Variants in WDCP observed in about 807,000 individuals in gnomAD.
WDCP encodes the protein WD repeat and coiled coil containing, also known as WD repeat and coiled-coil-containing protein.
A neutral mutation model predicts 41.6 loss-of-function variants in WDCP; 19 were observed. That is an observed-to-expected ratio of 0.46 (90% CI 0.32 to 0.67). WDCP has a LOEUF of 0.67. Among genes scored for constraint, WDCP ranks in the 30% least tolerant of loss-of-function variants. The pLI is 0.04. For synonymous variants in WDCP, 302 were observed against 320.8 expected, an observed-to-expected ratio of 0.94 and a Z score of 0.63; for missense variants, 802 against 850.7, an observed-to-expected ratio of 0.94 and a Z score of 0.71.
chr2:24,030,757 T>C lies in WDCP; in HGVS notation c.*176A>G, dbSNP rs977613758. 2 of 605,208 alleles carry C rather than the reference T, an allele frequency of 3.3e-6. No homozygotes were observed. Among genetic ancestry groups the C allele is most frequent in the Non-Finnish European group, 6.0e-6 (2 of 335,324 alleles). The allele number at this position is 605,208 out of a possible 1,614,324, so 37.5% of individuals were successfully genotyped here. A position where few individuals can be genotyped will look rare whatever the true frequency, so the allele number is the denominator to read the frequency against. ...GAGCCATCTAATAAAGACTGAGCTC[T>C]GCTACACAGCAGCGAGCCTCAGCTC... On this transcript the variant is annotated 3_prime_UTR_variant, in exon 4 of 4. Coordinates refer to ENST00000295148, the MANE Select transcript of WDCP (RefSeq NM_025203.3).
chr2:24,030,831 C>T lies in WDCP; in HGVS notation c.*102G>A. 1 of 910,760 alleles carries T rather than the reference C, an allele frequency of 1.1e-6. No individual in the cohort carries two copies. The highest frequency in any genetic ancestry group is 1.7e-6 in the Non-Finnish European group (1 of 589,436). The allele number at this position is 910,760 out of a possible 1,614,324, so 56.4% of individuals were successfully genotyped here. On this transcript the variant is annotated 3_prime_UTR_variant, in exon 4 of 4. Transcript: ENST00000295148. The stretch of plus-strand genomic sequence containing the variant: ...AGAGCCGACCATGGCAAGCGCTTCG[C>T]CTGAGTGCAGTGGGAGTCTCATTGG...
intron 3 of WDCP, among the ~76,000 whole-genome samples, chr2:24,032,058 G>T (rs1343427007): frequency 6.6e-6 from 1 of 152,188 alleles, no homozygotes; most frequent in African/African-American, 2.4e-5. Flanking sequence ...CTAGGCCTGG[G>T]TATATAGTAG....
chr2:24,039,280 T>A lies in WDCP; in HGVS notation c.215A>T (p.Asp72Val). Reference protein sequence around the residue: ...GLSWAPPVADDTPVLLAVQHE... With the variant: ...GLSWAPPVADVTPVLLAVQHE... ...CTGGACAGCGAGTAGAACAGGTGTATCATCTGCAACAGGTGGGGCCCAGGA... is the reference window on the plus strand; with the variant it reads ...CTGGACAGCGAGTAGAACAGGTGTAACATCTGCAACAGGTGGGGCCCAGGA... Residue 72 changes from aspartate to valine, a missense_variant, in exon 2 of 4, where the codon GAT becomes GTT. By Grantham distance (152) the Asp-to-Val change is radical (BLOSUM62 -3). Around this residue, in one of 5 missense-constraint regions of WDCP, gnomAD observed 214 missense variants for 252.9 expected, o/e 0.85. Coordinates refer to ENST00000295148, the MANE Select transcript of WDCP (RefSeq NM_025203.3). The A allele has an allele frequency of 1.2e-6, 2 of 1,614,182 alleles. No homozygotes were observed. Among genetic ancestry groups the A allele is most frequent in the Non-Finnish European group, 1.7e-6 (2 of 1,180,028 alleles).
chr2:24,035,793 G>A (rs185960646), intron 2 of WDCP, among the ~76,000 whole-genome samples: 7 of 151,794 alleles, frequency 4.6e-5, no homozygotes, highest in African/African-American at 1.2e-4. Context: ...AAATTAGGCC[G>A]GGCGCAGTGG....
At chr2:24,031,687 G>C (rs908967492) in intron 3 of WDCP, among the ~76,000 whole-genome samples, 1 of 152,080 alleles carries the variant, frequency 6.6e-6, no homozygotes, top group Admixed American at 6.5e-5. Context: ...TTAGCCAGGC[G>C]TGGTGGCATG....
chr2:24,032,635 C>G (rs1663129053), intron 3 of WDCP, among the ~76,000 whole-genome samples, 194 bp downstream of exon 3: 1 of 151,900 alleles, frequency 6.6e-6, no homozygotes, highest in Non-Finnish European at 1.5e-5. Flanking sequence ...GAGCTATGAT[C>G]ACACCGAGGC....
At position 24,038,035 on chromosome 2, in the gene WDCP, TGAC is replaced by T. The variant is rs1410140123; in HGVS notation, c.1457_1459del (p.Ser486_Gln487delinsLys). On this transcript the variant is annotated inframe_deletion, in exon 2 of 4. Coordinates refer to ENST00000295148, the MANE Select transcript of WDCP (RefSeq NM_025203.3). ...AAGTGTTCTTCCAGGCCTTCCATTCTGACTACTGGTATTAACTGTCAGCAACAG... is the reference window on the plus strand; with the variant it reads ...AAGTGTTCTTCCAGGCCTTCCATTCTTACTGGTATTAACTGTCAGCAACAG... The T allele has an allele frequency of 2.5e-6, 4 of 1,614,074 alleles. No individual in the cohort carries two copies. The highest frequency in any genetic ancestry group is 3.4e-6 in the Non-Finnish European group (4 of 1,180,030).
Position 24,039,342 on chromosome 2 carries a change from G to A in WDCP, c.153C>T (p.Ser51=). ...LHSGEVKFGD[S]KVIGQFECVC... is the part of the protein sequence containing the mutation. ...CACATTCAAACTGTCCAATGACTTTGGAGTCCCCAAACTTGACCTCTCCAC... is the reference window on the plus strand; with the variant it reads ...CACATTCAAACTGTCCAATGACTTTAGAGTCCCCAAACTTGACCTCTCCAC... Residue 51 remains serine (S), a synonymous_variant, in exon 2 of 4, where the codon TCC becomes TCT. Transcript: ENST00000295148. 1 of 1,614,246 alleles carries A rather than the reference G, an allele frequency of 6.2e-7. No individual in the cohort carries two copies. Among genetic ancestry groups the A allele is most frequent in the South Asian group, 1.1e-5 (1 of 91,086 alleles).
chr2:24,044,415 C>T (rs1663548349), intron 1 of WDCP, among the ~76,000 whole-genome samples: 1 of 152,024 alleles, frequency 6.6e-6, no homozygotes, highest in Non-Finnish European at 1.5e-5. Flanking sequence ...GATAGGGGCC[C>T]ACCACCATGC....
intron 1 of WDCP, among the ~76,000 whole-genome samples, chr2:24,045,139 CAGT>C (rs1028128559): frequency 2.6e-5 from 4 of 152,072 alleles, no homozygotes; most frequent in African/African-American, 9.7e-5. Context: ...GCAACTATTT[CAGT>C]AGAGAAAGAA....
At chr2:24,044,059 T>C (rs1018528346) in intron 1 of WDCP, among the ~76,000 whole-genome samples, 2 of 152,222 alleles carry the variant, frequency 1.3e-5, no homozygotes, top group Non-Finnish European at 2.9e-5. Context: ...TATCTACTTA[T>C]GTACTTTAAA....
chr2:24,030,033 T>C lies in WDCP; in HGVS notation c.*900A>G, dbSNP rs925995282. The stretch of plus-strand genomic sequence containing the variant: ...AGATTCTCTGCTGGTCTCTAAGACT[T>C]AAAAGGAGAGAAAATAAAAATATCA... On this transcript the variant is annotated 3_prime_UTR_variant, in exon 4 of 4. Coordinates refer to ENST00000295148, the MANE Select transcript of WDCP (RefSeq NM_025203.3). 2 of 152,434 alleles carry C rather than the reference T, an allele frequency of 1.3e-5. No homozygotes were observed. Among genetic ancestry groups the C allele is most frequent in the East Asian group, 1.9e-4 (1 of 5,184 alleles). The allele number at this position is 152,434 out of a possible 1,614,324, so 9.4% of individuals were successfully genotyped here. A position where few individuals can be genotyped will look rare whatever the true frequency, so the allele number is the denominator to read the frequency against.
At chr2:24,034,241 T>G (rs1164642583) in intron 2 of WDCP, among the ~76,000 whole-genome samples, 1 of 152,000 alleles carries the variant, frequency 6.6e-6, no homozygotes, top group Non-Finnish European at 1.5e-5. Flanking sequence ...GCCAACATGG[T>G]GAAACCCCAT....
intron 1 of WDCP, among the ~76,000 whole-genome samples, chr2:24,045,503 C>G (rs1323377759): frequency 6.7e-6 from 1 of 150,308 alleles, no homozygotes; most frequent in Non-Finnish European, 1.5e-5. Context: ...TGGGAGGCTG[C>G]AGCAGGAGAA....
chr2:24,039,673 A>C (rs970037992), intron 1 of WDCP, among the ~76,000 whole-genome samples, 161 bp from the exon 2 acceptor site: 1 of 152,260 alleles, frequency 6.6e-6, no homozygotes, highest in Admixed American at 6.5e-5. Context: ...CTGAGCTATC[A>C]GGCAAATGCA....
rs1189466447 is a variant in WDCP at position 24,029,558 on chromosome 2, A to G, written c.*1375T>C. 1 of 152,204 alleles carries G rather than the reference A, an allele frequency of 6.6e-6. No individual in the cohort carries two copies. The highest frequency in any genetic ancestry group is 1.5e-5 in the Non-Finnish European group (1 of 68,042). The allele number at this position is 152,204 out of a possible 1,614,324, so 9.4% of individuals were successfully genotyped here. On this transcript the variant is annotated 3_prime_UTR_variant, in exon 4 of 4. Transcript: ENST00000295148. ...CTGTTCTCAGTCACTGCTCTCCCAC[A>G]GCTGATTACAGACATTGCCTGTGCT...
chr2:24,041,626 G>C (rs1663434777), intron 1 of WDCP, among the ~76,000 whole-genome samples: 1 of 151,934 alleles, frequency 6.6e-6, no homozygotes, highest in Non-Finnish European at 1.5e-5. Flanking sequence ...GCCCAGGCAG[G>C]CAGATTACCT....
chr2:24,038,749 T>C lies in WDCP; in HGVS notation c.746A>G (p.Tyr249Cys). 1.2e-6 allele frequency: 2 copies of C among 1,614,202 alleles called. No homozygotes were observed. Among genetic ancestry groups the C allele is most frequent in the Non-Finnish European group, 1.7e-6 (2 of 1,180,014 alleles). ...TACTTCACCAATAACTGGTAAAGCA[T>C]ACGGAGTCATGTCTTTACTGTTAGG... ...IPPNSKDMTP[Y>C]ALPVIGEVRS... Residue 249 changes from tyrosine to cysteine, a missense_variant, in exon 2 of 4, where the codon TAT becomes TGT. Coordinates refer to ENST00000295148, the MANE Select transcript of WDCP (RefSeq NM_025203.3).
chr2:24,034,242 G>A (rs1282041799), intron 2 of WDCP, among the ~76,000 whole-genome samples: 1 of 152,112 alleles, frequency 6.6e-6, no homozygotes, highest in Non-Finnish European at 1.5e-5. Context: ...CCAACATGGT[G>A]AAACCCCATC....
Sources: allele counts gnomAD v4.1 joint callset (sites outside exome capture counted in the v4.1 genomes callset), GRCh38; gene constraint gnomAD v4.1.1; regional missense constraint gnomAD v4.1.1; transcripts MANE v1.5; gene names NCBI Gene and HGNC (gene_info 2026-07-23, HGNC 2026-07-21).